The following ERC2 variants were observed in gnomAD, a reference collection of about 807,000 sequenced individuals.
ERC2 encodes ELKS/RAB6-interacting/CAST family member 2, also known as ERC protein 2.
In ERC2, 42 loss-of-function variants were observed where a neutral mutation model predicts 114.8. The ratio of observed to expected loss-of-function variants is 0.37; its 90% CI spans 0.29 to 0.47. The LOEUF (loss-of-function observed/expected upper bound fraction) is 0.47. ERC2 is among the 20% of genes least tolerant of loss of function. The pLI is 0.99. For missense variants in ERC2, 939 were observed against 1,150.7 expected (o/e 0.82, Z 2.66); for synonymous variants, 454 against 425.5 (o/e 1.07, Z -0.82).
At chr3:55,862,895 T>C (rs1385547554) in intron 14 of ERC2, among the ~76,000 whole-genome samples, 1 of 152,198 alleles carries the variant, frequency 6.6e-6, no homozygotes, top group Non-Finnish European at 1.5e-5. Context: ...ATCTCCATAC[T>C]TGCCGTTGGT....
At chr3:56,210,301 G>C (rs906299183) in intron 3 of ERC2, among the ~76,000 whole-genome samples, 1 of 152,106 alleles carries the variant, frequency 6.6e-6, no homozygotes, top group African/African-American at 2.4e-5. Context: ...TGAAAAGAAG[G>C]GAACAGGCCA....
At chr3:55,906,418 C>A (rs201644313) in intron 13 of ERC2, among the ~76,000 whole-genome samples, 1 of 120,108 alleles carries the variant, frequency 8.3e-6, no homozygotes, top group African/African-American at 3.3e-5. Context: ...GGTGACAGAG[C>A]GAGACTCTGT....
chr3:56,132,196 C>T (rs1330844399), intron 6 of ERC2, among the ~76,000 whole-genome samples: 4 of 152,172 alleles, frequency 2.6e-5, no homozygotes, highest in Non-Finnish European at 5.9e-5. Context: ...GTCATGGTTA[C>T]CTTTAATGCC....
intron 14 of ERC2, among the ~76,000 whole-genome samples, chr3:55,786,986 T>C (rs909274885): frequency 6.6e-6 from 1 of 152,200 alleles, no homozygotes; most frequent in African/African-American, 2.4e-5. Flanking sequence ...GAAATATATA[T>C]GGCTGCATTA....
intron 7 of ERC2, among the ~76,000 whole-genome samples, chr3:56,054,402 A>G (rs1463622966): frequency 6.6e-6 from 1 of 152,230 alleles, no homozygotes; most frequent in Non-Finnish European, 1.5e-5. Context: ...TTGAGATAAC[A>G]TATGAATGAA....
chr3:56,371,211 C>T (rs531414194), intron 2 of ERC2, among the ~76,000 whole-genome samples: 2 of 152,322 alleles, frequency 1.3e-5, no homozygotes, highest in East Asian at 3.9e-4. Flanking sequence ...CAATAGAACA[C>T]TGTCTCAAAA....
intron 2 of ERC2, among the ~76,000 whole-genome samples, chr3:56,322,875 G>A (rs541697549): frequency 2.0e-5 from 3 of 152,182 alleles, no homozygotes; most frequent in Non-Finnish European, 2.9e-5. Context: ...GATTCCCAAC[G>A]TGACAGTGTT....
chr3:56,141,614 C>T (rs192883793), intron 5 of ERC2, among the ~76,000 whole-genome samples: 10 of 152,226 alleles, frequency 6.6e-5, no homozygotes, highest in Admixed American at 3.3e-4. Flanking sequence ...TATTAGGCTT[C>T]GCATTATTAC....
intron 13 of ERC2, among the ~76,000 whole-genome samples, chr3:55,908,624 G>T (rs969612838): frequency 2.6e-5 from 4 of 152,120 alleles, no homozygotes; most frequent in Admixed American, 2.6e-4. Flanking sequence ...CAGGCAGCTG[G>T]CCGGTCACTC....
At chr3:55,799,450 C>CCTTATATATATATGCAT (rs1553682495) in intron 14 of ERC2, among the ~76,000 whole-genome samples, 1 of 106,208 alleles carries the variant, frequency 9.4e-6, no homozygotes, top group Admixed American at 9.7e-5. Flanking sequence ...TATATATATG[C>CCTTATATATATATGCAT]ATATATATAT....
intron 3 of ERC2, among the ~76,000 whole-genome samples, chr3:56,189,148 T>C (rs2083825901): frequency 6.6e-6 from 1 of 152,160 alleles, no homozygotes; most frequent in South Asian, 2.1e-4. Context: ...ACATCTGTCA[T>C]TCTCCAAAGA....
chr3:55,974,121 A>C (rs1190535250), intron 12 of ERC2, among the ~76,000 whole-genome samples: 2 of 152,204 alleles, frequency 1.3e-5, no homozygotes, highest in Non-Finnish European at 1.5e-5. Flanking sequence ...TCTCAGCTTA[A>C]AAGTTTAAAG....
At chr3:56,323,825 T>C (rs4974197) in intron 2 of ERC2, among the ~76,000 whole-genome samples, 33,364 of 152,130 alleles carry the variant, frequency 0.22, 4,316 homozygotes, top group Non-Finnish European at 0.28. Context: ...AAAACATGTT[T>C]TCCATCATAG....
At chr3:56,399,315 C>T (rs1427093172) in intron 2 of ERC2, among the ~76,000 whole-genome samples, 2 of 152,162 alleles carry the variant, frequency 1.3e-5, no homozygotes, top group Non-Finnish European at 2.9e-5. Flanking sequence ...GTAGGCAAGT[C>T]CTTCCAGAGT....
intron 15 of ERC2, among the ~76,000 whole-genome samples, chr3:55,723,044 A>C (rs1041815169): frequency 2.0e-5 from 3 of 152,248 alleles, no homozygotes; most frequent in Admixed American, 6.5e-5. Context: ...TGTGATTATA[A>C]AAGTGAAAAG....
chr3:56,228,677 CT>C (rs2050407813), intron 3 of ERC2, among the ~76,000 whole-genome samples: 1 of 152,198 alleles, frequency 6.6e-6, no homozygotes, highest in African/African-American at 2.4e-5. Flanking sequence ...GTACAAGTAT[CT>C]GAGTTTCTGC....
chr3:55,908,752 C>T (rs560522351), intron 13 of ERC2, among the ~76,000 whole-genome samples: 1 of 152,276 alleles, frequency 6.6e-6, no homozygotes, highest in East Asian at 1.9e-4. Flanking sequence ...ACAACTCCTA[C>T]ACGTTGGGTT....
intron 14 of ERC2, among the ~76,000 whole-genome samples, chr3:55,837,341 C>T (rs1559739568): frequency 6.6e-6 from 1 of 152,076 alleles, no homozygotes; most frequent in Non-Finnish European, 1.5e-5. Context: ...ATAGCAAAGA[C>T]TTGGAACCAA....
chr3:55,845,543 TAGGAC>T (rs1285759382), intron 14 of ERC2, among the ~76,000 whole-genome samples: 4 of 141,978 alleles, frequency 2.8e-5, no homozygotes, highest in Non-Finnish European at 6.1e-5. Flanking sequence ...AATGGAAAAG[TAGGAC>T]TTCTTTTTTT....
Sources: allele counts gnomAD v4.1 joint callset (sites outside exome capture counted in the v4.1 genomes callset), GRCh38; gene constraint gnomAD v4.1.1; transcripts MANE v1.5; gene names NCBI Gene and HGNC (gene_info 2026-07-23, HGNC 2026-07-21).